The following GLRX variants were observed in gnomAD, a reference collection of about 807,000 sequenced individuals.
GLRX encodes glutaredoxin.
In GLRX, 9 loss-of-function variants were observed where a neutral mutation model predicts 11.1. The observed-to-expected ratio is 0.81, with a 90% CI of 0.49 to 1.42. GLRX has a LOEUF of 1.42. GLRX is among the 40% of genes most tolerant of loss of function. The pLI, the probability that GLRX is intolerant of heterozygous loss-of-function variation, is 0.00. For synonymous variants in GLRX, 49 were observed against 49.5 expected (o/e 0.99, Z 0.04); for missense variants, 102 against 126.2 (o/e 0.81, Z 0.92).
intron 1 of GLRX, among the ~76,000 whole-genome samples, chr5:95,819,960 T>C (rs1747165227): frequency 6.8e-6 from 1 of 147,768 alleles, no homozygotes; most frequent in Non-Finnish European, 1.5e-5. Flanking sequence ...TACAAACACT[T>C]CCCTGTTGGG....
chr5:95,822,107 T>A, intron 1 of GLRX: 1 of 298,422 alleles, frequency 3.4e-6, no homozygotes, highest in Non-Finnish European at 6.3e-6. Flanking sequence ...AGCTTCCACC[T>A]CCAGCCCTGC....
intron 1 of GLRX, among the ~76,000 whole-genome samples, chr5:95,819,907 A>AC (rs1561467642): frequency 2.7e-5 from 4 of 150,804 alleles, no homozygotes; most frequent in African/African-American, 7.3e-5. Flanking sequence ...CAAAAAAAAA[A>AC]AAAAAAAAAA....
In GLRX at chr5:95,816,669, T is replaced by A. The variant is rs751461108; in HGVS notation, c.208-43A>T. The A allele has an allele frequency of 7.4e-6, 7 of 943,760 alleles. No homozygotes were observed. The highest frequency in any genetic ancestry group is 1.2e-5 in the Non-Finnish European group (7 of 569,466). The allele number at this position is 943,760 out of a possible 1,614,324, so 58.5% of individuals were successfully genotyped here. On this transcript the variant is annotated intron_variant, in intron 1 of 2. Coordinates refer to ENST00000237858, the MANE Select transcript of GLRX (RefSeq NM_001118890.2). ...CCAGGACATTACTACATTACTAGAT[T>A]AGACAGAACATTTCTATCCTACCAC...
At chr5:95,815,910 C>T (rs557200803) in intron 2 of GLRX, among the ~76,000 whole-genome samples, 2 of 152,308 alleles carry the variant, frequency 1.3e-5, no homozygotes, top group Admixed American at 6.5e-5. Context: ...GGCCCCTGCC[C>T]ACCTTTCTCG....
At chr5:95,816,114 C>T (rs1318099069) in intron 2 of GLRX, among the ~76,000 whole-genome samples, 1 of 152,134 alleles carries the variant, frequency 6.6e-6, no homozygotes, top group African/African-American at 2.4e-5. Context: ...TGAGAAAGGC[C>T]CTCCCTTACC....
intron 1 of GLRX, among the ~76,000 whole-genome samples, chr5:95,821,588 C>T (rs1057470913): frequency 3.9e-5 from 6 of 152,164 alleles, no homozygotes; most frequent in African/African-American, 1.4e-4. Flanking sequence ...ATTCGTGCAT[C>T]GTAAAAGAGA....
intron 1 of GLRX, chr5:95,817,725 A>C (rs1747058821): frequency 6.6e-6 from 1 of 152,232 alleles, no homozygotes; most frequent in African/African-American, 2.4e-5. Flanking sequence ...CCTGGCAGTG[A>C]AGAAAAAAGC....
At chr5:95,821,889 CCA>C (rs1747251147) in intron 1 of GLRX, among the ~76,000 whole-genome samples, 1 of 152,072 alleles carries the variant, frequency 6.6e-6, no homozygotes, top group African/African-American at 2.4e-5. Context: ...GGCCAGAACT[CCA>C]GGCTATGATT....
intron 1 of GLRX, chr5:95,822,136 T>C (rs918998026): frequency 5.6e-6 from 2 of 355,130 alleles, no homozygotes; most frequent in African/African-American, 4.1e-5. Context: ...AACTGTCATT[T>C]CCTGGCAGTG....
intron 1 of GLRX, among the ~76,000 whole-genome samples, chr5:95,820,696 A>AG (rs1257937590): frequency 2.0e-5 from 3 of 151,824 alleles, no homozygotes; most frequent in South Asian, 4.2e-4. Flanking sequence ...CATCTCAAAA[A>AG]AAAAAAAAAA....
intron 2 of GLRX, chr5:95,815,051 T>G (rs947100851): frequency 6.6e-6 from 1 of 152,462 alleles, no homozygotes; most frequent in Non-Finnish European, 1.5e-5. Context: ...AAACACACTC[T>G]GTTGCAGATG....
chr5:95,815,702 A>AT (rs1239008419), intron 2 of GLRX, among the ~76,000 whole-genome samples: 2 of 152,172 alleles, frequency 1.3e-5, no homozygotes, highest in Admixed American at 1.3e-4. Flanking sequence ...CCCTTCTGAA[A>AT]TGTTCATCGC....
chr5:95,817,593 T>A (rs1747053113), intron 1 of GLRX: 1 of 152,214 alleles, frequency 6.6e-6, no homozygotes, highest in African/African-American at 2.4e-5. Flanking sequence ...GTTACACACT[T>A]CCTCCCTGCT....
Position 95,822,687 on chromosome 5 carries a change from G to GA in GLRX, c.-26dup, listed in dbSNP as rs1747296857. ...TGCCGATGGGCTGCGGTCTCCCCGG[G>GA]AAGAATCCTCAGTTGCAGGTATTGC... is the stretch of plus-strand genomic sequence containing the variant. On this transcript the variant is annotated 5_prime_UTR_variant, in exon 1 of 3. Transcript: ENST00000237858. The GA allele has an allele frequency of 6.2e-7, 1 of 1,601,126 alleles. No individual in the cohort carries two copies. The highest frequency in any genetic ancestry group is 1.7e-5 in the Admixed American group (1 of 59,638).
chr5:95,820,354 A>T (rs2112869372), intron 1 of GLRX, among the ~76,000 whole-genome samples: 1 of 126,078 alleles, frequency 7.9e-6, no homozygotes, highest in Middle Eastern at 3.9e-3. Context: ...CTGTCTCTTA[A>T]AAAAAAAAAA....
At position 95,822,372 on chromosome 5, in the gene GLRX, C is replaced by T. The variant is rs1396715483; in HGVS notation, c.207+84G>A. ...CTGGACGCCTTGAAGTACGGAGCCG[C>T]AGCCTTATCCTAAAGAAAGGCACAG... On this transcript the variant is annotated intron_variant, in intron 1 of 2. Transcript: ENST00000237858. 6.1e-6 allele frequency: 7 copies of T among 1,154,072 alleles called. No homozygotes were observed. The Admixed American group carries it at 1.2e-4, about 20-fold the overall frequency. 71.5% of individuals were successfully genotyped at this position (1,154,072 alleles called of 1,614,324 possible).
chr5:95,820,926 G>T (rs554316086), intron 1 of GLRX, among the ~76,000 whole-genome samples: 1 of 152,126 alleles, frequency 6.6e-6, no homozygotes, highest in Non-Finnish European at 1.5e-5. Context: ...CACCAGCCTG[G>T]CCAACATGGT....
intron 1 of GLRX, among the ~76,000 whole-genome samples, chr5:95,819,681 C>T (rs540719972): frequency 1.8e-4 from 28 of 151,972 alleles, no homozygotes; most frequent in Middle Eastern, 3.4e-3. Flanking sequence ...GGGTGGATCA[C>T]GAGGTCAGGA....
Position 95,818,629 on chromosome 5 carries a change from A to C in GLRX, c.208-2003T>G, listed in dbSNP as rs138391175. On this transcript the variant is annotated intron_variant, in intron 1 of 2. Transcript: ENST00000237858. ...TACCTCCCTGGTATAAGCCACCTTC[A>C]TCTGTCACCTGAATAACTACTATAG... The C allele has an allele frequency of 3.9e-4, 60 of 152,400 alleles. 1 individual carries two copies. Among genetic ancestry groups the C allele is most frequent in the African/African-American group, 1.4e-3 (59 of 41,544 alleles). The allele number at this position is 152,400 out of a possible 1,614,324, so 9.4% of individuals were successfully genotyped here.
Sources: allele counts gnomAD v4.1 joint callset (sites outside exome capture counted in the v4.1 genomes callset), GRCh38; gene constraint gnomAD v4.1.1; transcripts MANE v1.5; gene names NCBI Gene and HGNC (gene_info 2026-07-23, HGNC 2026-07-21).